The following PKP1 variants were observed in gnomAD, a reference collection of about 807,000 sequenced individuals.
PKP1 encodes plakophilin-1.
Under a neutral mutation model 76.4 loss-of-function variants are expected in PKP1, and 27 were observed. The ratio of observed to expected loss-of-function variants is 0.35; its 90% CI spans 0.26 to 0.49. The LOEUF (loss-of-function observed/expected upper bound fraction) is 0.49. Ranked by LOEUF, PKP1 falls within the 20% of genes least tolerant of loss-of-function variation. The probability of loss-of-function intolerance (pLI) is 0.99; values close to 1 mark genes in which losing one functional copy is unlikely to be tolerated. For synonymous variants in PKP1, 404 were observed against 384.2 expected, an observed-to-expected ratio of 1.05 and a Z score of -0.60; for missense variants, 964 against 955.2, an observed-to-expected ratio of 1.01 and a Z score of -0.12.
At chr1:201,292,865 G>T (rs769375915) in intron 1 of PKP1, among the ~76,000 whole-genome samples, 1 of 152,224 alleles carries the variant, frequency 6.6e-6, no homozygotes, top group African/African-American at 2.4e-5. Context: ...CTTGCTCTTC[G>T]TGGAGCTCCC....
chr1:201,309,872 G>C (rs1656485536), intron 2 of PKP1, among the ~76,000 whole-genome samples: 1 of 152,226 alleles, frequency 6.6e-6, no homozygotes, highest in Non-Finnish European at 1.5e-5. Context: ...GAATTGTCCT[G>C]CCTCAGGTGC....
chr1:201,315,279 A>G (rs1040246643), intron 3 of PKP1, among the ~76,000 whole-genome samples: 2 of 152,242 alleles, frequency 1.3e-5, no homozygotes, highest in African/African-American at 4.8e-5. Context: ...CATTCTCTCA[A>G]TGCAGGCAGC....
At chr1:201,299,026 C>T (rs902653093) in intron 2 of PKP1, among the ~76,000 whole-genome samples, 2 of 152,154 alleles carry the variant, frequency 1.3e-5, no homozygotes, top group Non-Finnish European at 2.9e-5. Flanking sequence ...CCATGCTAAT[C>T]GAGTGTCCAC....
chr1:201,324,307 C>A, intron 9 of PKP1, 121 bp from the exon 10 acceptor site: 1 of 1,008,852 alleles, frequency 9.9e-7, no homozygotes, highest in Non-Finnish European at 1.5e-6. Flanking sequence ...TGAGCTAGTG[C>A]TTCCAATATG....
In PKP1 at chr1:201,318,740, A is replaced by G; in HGVS notation, c.1177A>G (p.Met393Val). The change falls in exon 6 of 14, where the codon ATG becomes GTG. Residue 393 changes from methionine to valine, a missense_variant. Coordinates refer to ENST00000367324, the MANE Select transcript of PKP1 (RefSeq NM_001005337.3). ...FSGWCDGNSNMSREVVDPEVF... is the reference protein window; with the variant it reads ...FSGWCDGNSNVSREVVDPEVF... ...TGGCTGGTGCGATGGCAATAGCAAC[A>G]TGTCCCGGGAAGTGGTGGACCCTGA... 6.2e-7 allele frequency: 1 copy of G among 1,611,682 alleles called. No homozygotes were observed. Among genetic ancestry groups the G allele is most frequent in the Non-Finnish European group, 8.5e-7 (1 of 1,179,680 alleles).
chr1:201,289,381 T>G (rs1655833565), intron 1 of PKP1, among the ~76,000 whole-genome samples: 1 of 152,242 alleles, frequency 6.6e-6, no homozygotes. Flanking sequence ...ACAGGTGGGC[T>G]TTATTCAAAA....
intron 1 of PKP1, 59 bp downstream of exon 1, chr1:201,283,963 G>A (rs1388384603): frequency 2.7e-6 from 4 of 1,494,700 alleles, no homozygotes; most frequent in Middle Eastern, 1.7e-4. Flanking sequence ...CTGGCCCAGT[G>A]GCGGGGACCA....
In PKP1 at chr1:201,317,877, C is replaced by G. The variant is rs998143987; in HGVS notation, c.1054+98C>G. The G allele has an allele frequency of 1.9e-5, 22 of 1,167,226 alleles. No homozygotes were observed. In the African/African-American group the frequency reaches 2.9e-4, roughly 15 times the overall value. 72.3% of individuals were successfully genotyped at this position (1,167,226 alleles called of 1,614,324 possible). Reference sequence around the variant, plus strand: ...TGCAAGCCTGTCTCTCCAGGCTGGGCCAAGACACAGCTGTGCAGATTTGGC... The same window carrying G: ...TGCAAGCCTGTCTCTCCAGGCTGGGGCAAGACACAGCTGTGCAGATTTGGC... On this transcript the variant is annotated intron_variant, in intron 5 of 13. Transcript: ENST00000367324.
At chr1:201,328,643 G>T in intron 12 of PKP1, 119 bp from the exon 13 acceptor site, 1 of 848,974 alleles carries the variant, frequency 1.2e-6, no homozygotes. Context: ...CATGTACTTA[G>T]TGATAAGAGA....
At chr1:201,324,155 G>A (rs1388149794) in intron 9 of PKP1, among the ~76,000 whole-genome samples, 1 of 152,174 alleles carries the variant, frequency 6.6e-6, no homozygotes, top group Non-Finnish European at 1.5e-5. Flanking sequence ...TACTCTGGAA[G>A]CTAACTCTGG....
intron 2 of PKP1, among the ~76,000 whole-genome samples, chr1:201,303,044 C>T (rs1656282255): frequency 6.6e-6 from 1 of 152,246 alleles, no homozygotes. Context: ...CATCATGGTA[C>T]TTTTGCCACT....
chr1:201,322,990 C>T (rs368667369), intron 8 of PKP1, 23 bp from the exon 9 acceptor site: 2 of 1,613,040 alleles, frequency 1.2e-6, no homozygotes, highest in South Asian at 2.2e-5. Context: ...CATTGACCCC[C>T]CTGACCGGCT....
chr1:201,303,260 C>G (rs1656288169), intron 2 of PKP1, among the ~76,000 whole-genome samples: 2 of 152,146 alleles, frequency 1.3e-5, no homozygotes, highest in African/African-American at 4.8e-5. Context: ...TCAAGCAATC[C>G]TCCCGCCTCA....
At chr1:201,315,301 C>G (rs188656001) in intron 3 of PKP1, among the ~76,000 whole-genome samples, 1 of 152,218 alleles carries the variant, frequency 6.6e-6, no homozygotes, top group African/African-American at 2.4e-5. Flanking sequence ...GTACTACTTA[C>G]CCAGTGCCAG....
chr1:201,324,627 C>T (rs1488474490), intron 10 of PKP1, 46 bp downstream of exon 10: 5 of 1,605,424 alleles, frequency 3.1e-6, no homozygotes, highest in East Asian at 2.2e-5. Flanking sequence ...ACATGGCAGG[C>T]TCCCTACAAT....
At chr1:201,296,350 C>T (rs1656068828) in intron 2 of PKP1, among the ~76,000 whole-genome samples, 2 of 152,188 alleles carry the variant, frequency 1.3e-5, no homozygotes, top group African/African-American at 4.8e-5. Context: ...ATGAGATAAT[C>T]CTATGTCCGT....
rs1053348750 is a variant in PKP1 at position 201,284,787 on chromosome 1, G to A, written c.202+883G>A. On this transcript the variant is annotated intron_variant, in intron 1 of 13. Transcript: ENST00000367324. ...GGAATGGCAGGTTGGAAATCCCCCC[G>A]GGCCCCAGGGAGACCTCCAGCTGAA... Among the ~76,000 whole-genome samples, 10 of 152,236 alleles carry A rather than the reference G, an allele frequency of 6.6e-5. No homozygotes were observed. In the East Asian group the frequency reaches 9.7e-4, roughly 15 times the overall value.
At chr1:201,313,133 C>T (rs1387114818) in intron 2 of PKP1, 33 bp from the exon 3 acceptor site, 10 of 1,605,938 alleles carry the variant, frequency 6.2e-6, no homozygotes, top group Non-Finnish European at 8.5e-6. Context: ...ATTTAGGAAC[C>T]TTGACTGAGC....
intron 2 of PKP1, among the ~76,000 whole-genome samples, chr1:201,302,942 C>T (rs1016073353): frequency 2.6e-5 from 4 of 152,210 alleles, no homozygotes; most frequent in Admixed American, 6.5e-5. Context: ...AGAGGCGAGG[C>T]GACGGCCTGA....
Sources: gnomAD v4.1 joint callset for allele counts (sites outside exome capture counted in the v4.1 genomes callset) on GRCh38, gnomAD v4.1.1 for gene constraint, MANE v1.5 for transcripts, NCBI Gene and HGNC (gene_info 2026-07-23, HGNC 2026-07-21) for gene names.